NHSL2: variants seen among roughly 807,000 people sequenced by gnomAD.
NHSL2 encodes NHS-like protein 2.
A neutral mutation model predicts 53.4 loss-of-function variants in NHSL2; 27 were observed. That is an observed-to-expected ratio of 0.51 (90% CI 0.37 to 0.70). The LOEUF is 0.70. NHSL2 is among the 30% of genes least tolerant of loss of function. The pLI is 0.00. For synonymous variants in NHSL2, 408 were observed against 404.1 expected, an observed-to-expected ratio of 1.01 and a Z score of -0.12; for missense variants, 892 against 980.1, an observed-to-expected ratio of 0.91 and a Z score of 1.20.
intron 1 of NHSL2, among the ~76,000 whole-genome samples, chrX:71,965,008 A>G (rs2041895092): frequency 8.9e-6 from 1 of 111,880 alleles, no homozygotes; most frequent in African/African-American, 3.2e-5. Context: ...ATGTATATGG[A>G]GACAGGGAGT....
chrX:72,015,398 A>G (rs2042131523), intron 1 of NHSL2, among the ~76,000 whole-genome samples: 1 of 112,404 alleles, frequency 8.9e-6, no homozygotes, highest in African/African-American at 3.2e-5. Context: ...TTATTTAACT[A>G]TTCACCCATT....
intron 1 of NHSL2, among the ~76,000 whole-genome samples, chrX:72,011,880 A>T (rs1040900041): frequency 2.7e-5 from 3 of 111,808 alleles, no homozygotes; most frequent in Non-Finnish European, 5.6e-5. Context: ...GATGTTGAAC[A>T]TTGTTTCATG....
intron 1 of NHSL2, among the ~76,000 whole-genome samples, chrX:71,961,161 T>C (rs1236524672): frequency 8.9e-6 from 1 of 112,077 alleles, no homozygotes; most frequent in Non-Finnish European, 1.9e-5. Flanking sequence ...GGAATTGTTT[T>C]CTTAATGTCA....
chrX:71,915,747 C>T (rs1023001843), intron 1 of NHSL2, among the ~76,000 whole-genome samples: 1 of 111,794 alleles, frequency 8.9e-6, no homozygotes, highest in African/African-American at 3.3e-5. Context: ...GAAGCCATGC[C>T]TTCTGACAAC....
intron 1 of NHSL2, among the ~76,000 whole-genome samples, chrX:72,055,052 G>A (rs921486796): frequency 2.7e-5 from 3 of 111,654 alleles, no homozygotes; most frequent in African/African-American, 9.8e-5. Context: ...AGCAAGCGGG[G>A]AGAGAAAGAG....
chrX:71,982,480 A>C (rs763886281), intron 1 of NHSL2, among the ~76,000 whole-genome samples: 14 of 112,116 alleles, frequency 1.2e-4, no homozygotes, highest in African/African-American at 4.2e-4. Context: ...GAGTTGACTG[A>C]TGGTTGGGTA....
At chrX:72,103,301 G>A (rs1250366875) in intron 1 of NHSL2, among the ~76,000 whole-genome samples, 2 of 111,570 alleles carry the variant, frequency 1.8e-5, no homozygotes, top group Non-Finnish European at 3.8e-5. Flanking sequence ...GGGATTTCAG[G>A]CCAGAGGGGA....
rs774856931 is a variant in NHSL2 at position 72,086,363 on chromosome X, C to T, written c.281-45716C>T. Reference sequence around the variant, plus strand: ...GTAAGTAATGGGGGTCACAGGGAGGCGCAGGGGTCGGCTTTCTGCTGTAAG... The same window carrying T: ...GTAAGTAATGGGGGTCACAGGGAGGTGCAGGGGTCGGCTTTCTGCTGTAAG... On this transcript the variant is annotated intron_variant, in intron 1 of 7. Transcript: ENST00000633930. 2.7e-5 allele frequency among the ~76,000 whole-genome samples: 3 copies of T among 111,749 alleles called. No homozygotes were observed. In the East Asian group the frequency reaches 8.4e-4, roughly 31 times the overall value.
At position 72,003,002 on chromosome X, in the gene NHSL2, A is replaced by C. The variant is rs758313546; in HGVS notation, c.280+91635A>C. On this transcript the variant is annotated intron_variant, in intron 1 of 7. Transcript: ENST00000633930. The stretch of plus-strand genomic sequence containing the variant: ...AGAGTGCCCACTGGTTCCCTTGTCC[A>C]TATGCGCACAGAGATTGTGCTATTC... Among the ~76,000 whole-genome samples the C allele has an allele frequency of 1.1e-4, 12 of 110,596 alleles. No homozygotes were observed. The South Asian group carries it at 4.3e-3, about 40-fold the overall frequency.
intron 1 of NHSL2, among the ~76,000 whole-genome samples, chrX:72,070,058 G>A (rs2042457978): frequency 1.8e-5 from 2 of 112,055 alleles, no homozygotes; most frequent in African/African-American, 6.5e-5. Flanking sequence ...TCATGGCTAG[G>A]ACTGTGCTTT....
intron 1 of NHSL2, among the ~76,000 whole-genome samples, chrX:72,040,296 C>A (rs764890162): frequency 4.4e-4 from 49 of 112,008 alleles, no homozygotes; most frequent in Middle Eastern, 4.6e-3. Context: ...ATTTACCATA[C>A]CCTCCCACTC....
At chrX:72,097,325 A>G (rs1402702291) in intron 1 of NHSL2, among the ~76,000 whole-genome samples, 2 of 111,681 alleles carry the variant, frequency 1.8e-5, no homozygotes, top group Non-Finnish European at 3.8e-5. Flanking sequence ...TTTCACATAT[A>G]TCATTTGTTG....
chrX:72,131,995 G>C lies in NHSL2; in HGVS notation c.281-84G>C, dbSNP rs1293607656. 4.0e-6 allele frequency: 4 copies of C among 1,004,596 alleles called. No homozygotes were observed. The East Asian group carries it at 1.0e-4, about 26-fold the overall frequency. 82.8% of individuals were successfully genotyped at this position (1,004,596 alleles called of 1,213,427 possible). A position where few individuals can be genotyped will look rare whatever the true frequency, so the allele number is the denominator to read the frequency against. The stretch of plus-strand genomic sequence containing the variant: ...CCCACCCCACGCAGGGGCGGGCCTT[G>C]GGGAACCGCGGGCGCCCACTGGCCG... On this transcript the variant is annotated intron_variant, in intron 1 of 7. Coordinates refer to ENST00000633930, the MANE Select transcript of NHSL2 (RefSeq NM_001013627.3).
At chrX:71,955,427 C>G (rs1199358086) in intron 1 of NHSL2, among the ~76,000 whole-genome samples, 1 of 109,839 alleles carries the variant, frequency 9.1e-6, no homozygotes, top group Non-Finnish European at 1.9e-5. Context: ...AGAGTGATCA[C>G]TCTCTCTTTG....
intron 1 of NHSL2, among the ~76,000 whole-genome samples, chrX:72,066,527 A>G (rs1421213641): frequency 9.0e-6 from 1 of 111,249 alleles, no homozygotes; most frequent in Non-Finnish European, 1.9e-5. Flanking sequence ...AGAGAGGAGG[A>G]GGTGAGGACA....
intron 1 of NHSL2, among the ~76,000 whole-genome samples, chrX:72,100,607 C>T (rs2041983700): frequency 8.9e-6 from 1 of 112,001 alleles, no homozygotes; most frequent in Admixed American, 9.4e-5. Context: ...AGCTCCACCT[C>T]CTGTCAGATC....
At chrX:72,098,529 G>C (rs1342223190) in intron 1 of NHSL2, among the ~76,000 whole-genome samples, 5 of 103,318 alleles carry the variant, frequency 4.8e-5, no homozygotes, top group African/African-American at 7.1e-5. Context: ...TGCAGTGAGC[G>C]AAGATTGCGC....
At chrX:72,104,859 A>AAAAGGC (rs1324429205) in intron 1 of NHSL2, among the ~76,000 whole-genome samples, 1 of 111,513 alleles carries the variant, frequency 9.0e-6, no homozygotes, top group African/African-American at 3.3e-5. Context: ...AACAAGGAAG[A>AAAAGGC]AAAGGCAGGG....
chrX:71,912,065 T>C lies in NHSL2; in HGVS notation c.280+698T>C, dbSNP rs1038285253. ...CCGCTAGGGTCTGGCTGTTATTTGC[T>C]GGAGAGAATCATTTAAAGAAACTAT... is the stretch of plus-strand genomic sequence containing the variant. On this transcript the variant is annotated intron_variant, in intron 1 of 7. Coordinates refer to ENST00000633930, the MANE Select transcript of NHSL2 (RefSeq NM_001013627.3). Among the ~76,000 whole-genome samples the C allele has an allele frequency of 8.0e-5, 9 of 112,435 alleles. No homozygotes were observed. In the East Asian group the frequency reaches 1.1e-3, roughly 14 times the overall value.
Sources: allele counts gnomAD v4.1 joint callset (sites outside exome capture counted in the v4.1 genomes callset), GRCh38; gene constraint gnomAD v4.1.1; transcripts MANE v1.5; gene names NCBI Gene and HGNC (gene_info 2026-07-23, HGNC 2026-07-21).